MTCL1: variants seen among roughly 807,000 people sequenced by gnomAD.
MTCL1 encodes microtubule crosslinking factor 1.
Under a neutral mutation model 141.4 loss-of-function variants are expected in MTCL1, and 79 were observed. The observed-to-expected ratio is 0.56, with a 90% CI of 0.47 to 0.67. The LOEUF is 0.67. Among genes scored for constraint, MTCL1 ranks in the 30% least tolerant of loss-of-function variants. The pLI is 0.00. For synonymous variants in MTCL1, 914 were observed against 875.8 expected (o/e 1.04, Z -0.77); for missense variants, 2,177 against 2,113.9 (o/e 1.03, Z -0.59).
At chr18:8,726,604 T>C (rs1283369594) in intron 4 of MTCL1, among the ~76,000 whole-genome samples, 1 of 151,976 alleles carries the variant, frequency 6.6e-6, no homozygotes, top group Non-Finnish European at 1.5e-5. Flanking sequence ...AACCCCATCA[T>C]GGGGCCAAGG....
intron 4 of MTCL1, among the ~76,000 whole-genome samples, chr18:8,772,060 G>A (rs185191299): frequency 1.3e-5 from 2 of 152,342 alleles, no homozygotes; most frequent in East Asian, 1.9e-4. Flanking sequence ...TACACTGGAC[G>A]AGACCCTGGC....
exon 12 of MTCL1, chr18:8,813,233 G>A (rs771969983): frequency 6.2e-7 from 1 of 1,610,488 alleles, no homozygotes; most frequent in South Asian, 1.1e-5. Context: ...GGATAGAGCA[G>A]GTAAGGAGGC....
At chr18:8,811,594 A>T (rs1189914105) in intron 11 of MTCL1, among the ~76,000 whole-genome samples, 1 of 152,156 alleles carries the variant, frequency 6.6e-6, no homozygotes, top group Non-Finnish European at 1.5e-5. Context: ...ATAATCAGCT[A>T]TGAATTATTT....
chr18:8,739,977 C>T (rs1312551903), intron 4 of MTCL1, among the ~76,000 whole-genome samples: 7 of 152,218 alleles, frequency 4.6e-5, no homozygotes, highest in African/African-American at 9.6e-5. Context: ...GTGATCTGCC[C>T]GCCTTGGCCT....
chr18:8,728,717 A>ATTATTT (rs1598410920), intron 4 of MTCL1, among the ~76,000 whole-genome samples: 1 of 68,054 alleles, frequency 1.5e-5, no homozygotes, highest in African/African-American at 6.2e-5. Context: ...TATGTTGTCC[A>ATTATTT]TTCTTTTTTT....
At chr18:8,721,016 TG>T (rs2096167892) in intron 4 of MTCL1, among the ~76,000 whole-genome samples, 1 of 150,826 alleles carries the variant, frequency 6.6e-6, no homozygotes, top group African/African-American at 2.4e-5. Context: ...GTAGCTAAAA[TG>T]AGTTAAATAT....
At chr18:8,790,552 G>A (rs577297802) in intron 7 of MTCL1, among the ~76,000 whole-genome samples, 5 of 152,366 alleles carry the variant, frequency 3.3e-5, no homozygotes, top group South Asian at 2.1e-4. Flanking sequence ...AGATGTGGCC[G>A]CTGTGTTTAC....
At chr18:8,824,660 C>T (rs758519106) in intron 14 of MTCL1, 39 bp from the exon 14 acceptor site, 15 of 1,552,390 alleles carry the variant, frequency 9.7e-6, no homozygotes, top group Non-Finnish European at 1.2e-5. Context: ...TCAGAGGCTC[C>T]CTGGCAGGTA....
chr18:8,806,843 A>G, intron 10 of MTCL1, 50 bp from the exon 10 acceptor site: 1 of 1,589,214 alleles, frequency 6.3e-7, no homozygotes, highest in Non-Finnish European at 8.6e-7. Context: ...CTTCTGACCT[A>G]AAAAATACGC....
rs954166580 is a variant in MTCL1 at position 8,779,384 on chromosome 18, G to T, written c.417+1492G>T. Among the ~76,000 whole-genome samples the T allele has an allele frequency of 1.3e-5, 2 of 152,118 alleles. No individual in the cohort carries two copies. The highest frequency in any genetic ancestry group is 4.8e-5 in the African/African-American group (2 of 41,404). ...GATCTCTCGAAACCAGAAATGATAT[G>T]CTTCAGTTTAGACTCGGCCTTGAAC... On this transcript the variant is annotated intron_variant, in intron 5 of 16. Coordinates refer to ENST00000359865, the Ensembl canonical transcript of MTCL1. This position sits in a 1 kb window ranked among gnomAD's most constrained non-coding sequence, Gnocchi z 4.1.
chr18:8,803,234 C>T (rs990833110), intron 10 of MTCL1, among the ~76,000 whole-genome samples: 6 of 151,818 alleles, frequency 4.0e-5, no homozygotes, highest in African/African-American at 9.7e-5. Flanking sequence ...ATTCCTGGCT[C>T]GGTTTGTTGG....
chr18:8,783,860 G>T, exon 6 of MTCL1: 1 of 1,612,996 alleles, frequency 6.2e-7, no homozygotes, highest in Non-Finnish European at 8.5e-7. Context: ...GGAGCGGGAG[G>T]GCCCGGGTCG....
intron 15 of MTCL1, among the ~76,000 whole-genome samples, chr18:8,827,650 G>A (rs595802): frequency 0.84 from 127,940 of 152,124 alleles, 54,655 homozygotes; most frequent in Non-Finnish European, 0.91. Flanking sequence ...TTATATGTGA[G>A]TGCCCTGCCT....
At chr18:8,821,124 G>T (rs747707719) in intron 13 of MTCL1, among the ~76,000 whole-genome samples, 1 of 152,134 alleles carries the variant, frequency 6.6e-6, no homozygotes. Context: ...CACTTAGGTT[G>T]TTACAAATCC....
exon 15 of MTCL1, chr18:8,825,249 C>G (rs781057852): frequency 1.3e-6 from 2 of 1,592,714 alleles, no homozygotes. Flanking sequence ...CAGGCACTCC[C>G]GGGACTATGT....
At chr18:8,713,568 C>A (rs996961540), upstream of MTCL1, among the ~76,000 whole-genome samples, 9 of 152,196 alleles carry the variant, frequency 5.9e-5, no homozygotes, top group African/African-American at 2.2e-4. Flanking sequence ...GACCCTAATT[C>A]CAGTAATCAT....
chr18:8,830,590 A>G lies in MTCL1; in HGVS notation c.*19-1017A>G. 1.0e-6 allele frequency: 1 copy of G among 985,812 alleles called. No homozygotes were observed. Among genetic ancestry groups the G allele is most frequent in the Non-Finnish European group, 1.2e-6 (1 of 830,302 alleles). 61.1% of individuals were successfully genotyped at this position (985,812 alleles called of 1,614,324 possible). On this transcript the variant is annotated intron_variant, in intron 16 of 16. Coordinates refer to ENST00000359865, the Ensembl canonical transcript of MTCL1. The surrounding 1 kb of genome is among the most constrained non-coding windows in gnomAD (Gnocchi z 6.4). Reference sequence around the variant, plus strand: ...ATCCTGGTCTTTTCAGTTGCTTGTCACATCTTTTTAAATCCTCCAACTCAC... The same window carrying G: ...ATCCTGGTCTTTTCAGTTGCTTGTCGCATCTTTTTAAATCCTCCAACTCAC...
exon 15 of MTCL1, chr18:8,825,619 T>C (rs2076997609): frequency 6.2e-7 from 1 of 1,613,628 alleles, no homozygotes; most frequent in African/African-American, 1.3e-5. Flanking sequence ...AGCAGACAGG[T>C]GGCCCCTGCC....
chr18:8,829,482 T>TG, intron 16 of MTCL1: 1 of 946,580 alleles, frequency 1.1e-6, no homozygotes, highest in South Asian at 4.9e-5. Context: ...GTGAGCACCG[T>TG]GGGTGACAGA....
Sources: gnomAD v4.1 joint callset for allele counts (sites outside exome capture counted in the v4.1 genomes callset) on GRCh38, gnomAD v4.1.1 for gene constraint, Gnocchi (gnomAD v3.1) non-coding constraint, MANE v1.5 for transcripts, NCBI Gene and HGNC (gene_info 2026-07-23, HGNC 2026-07-21) for gene names.